The following NBAS variants were observed in gnomAD, a reference collection of about 807,000 sequenced individuals.
NBAS encodes NBAS subunit of NRZ tethering complex.
In NBAS, 219 loss-of-function variants were observed where a neutral mutation model predicts 302.5. The observed-to-expected ratio is 0.72, with a 90% CI of 0.65 to 0.81. The LOEUF is 0.81. Among genes scored for constraint, NBAS ranks in the 30% least tolerant of loss-of-function variants. The probability of loss-of-function intolerance (pLI) is 0.00; values close to 1 mark genes in which losing one functional copy is unlikely to be tolerated. For missense variants in NBAS, 2,932 were observed against 2,841.6 expected (o/e 1.03, Z -0.72); for synonymous variants, 1,118 against 1,021.6 (o/e 1.09, Z -1.80).
intron 46 of NBAS, among the ~76,000 whole-genome samples, chr2:15,233,652 T>C (rs1001748804): frequency 6.6e-6 from 1 of 152,202 alleles, no homozygotes; most frequent in African/African-American, 2.4e-5. Context: ...AACAAAGCTT[T>C]ATTAATTTGA....
the NBAS span, among the ~76,000 whole-genome samples, chr2:15,088,557 A>G: frequency 6.6e-6 from 1 of 152,118 alleles, no homozygotes; most frequent in Non-Finnish European, 1.5e-5. Context: ...GCCAGAGAGC[A>G]TGGCTTATTG....
chr2:14,907,832 C>T, the NBAS span, among the ~76,000 whole-genome samples: 7 of 152,204 alleles, frequency 4.6e-5, no homozygotes, highest in African/African-American at 1.7e-4. Context: ...TTTATCAGCT[C>T]TGCCATGAAC....
chr2:15,052,846 T>C, the NBAS span, among the ~76,000 whole-genome samples: 1 of 152,226 alleles, frequency 6.6e-6, no homozygotes, highest in Non-Finnish European at 1.5e-5. Flanking sequence ...TATATGCATA[T>C]TTTTGATGCA....
At chr2:15,556,418 T>C (rs13022830) in intron 3 of NBAS, among the ~76,000 whole-genome samples, 78,822 of 152,034 alleles carry the variant, frequency 0.52, 23,413 homozygotes, top group Non-Finnish European at 0.67. Flanking sequence ...TTCTCTGATA[T>C]ACAGCAGTTG....
chr2:15,320,560 C>G (rs1000738586), intron 38 of NBAS, among the ~76,000 whole-genome samples: 1 of 152,142 alleles, frequency 6.6e-6, no homozygotes, highest in African/African-American at 2.4e-5. Flanking sequence ...TCTCAGGATA[C>G]AAAATCAAGG....
chr2:14,848,445 G>A, the NBAS span, among the ~76,000 whole-genome samples: 1 of 142,898 alleles, frequency 7.0e-6, no homozygotes, highest in Admixed American at 6.7e-5. Context: ...GAATCTCGCT[G>A]ATTGCTAGCA....
chr2:15,046,958 C>T, the NBAS span, among the ~76,000 whole-genome samples: 1 of 152,166 alleles, frequency 6.6e-6, no homozygotes, highest in Admixed American at 6.5e-5. Flanking sequence ...ATCAGGGGAG[C>T]AGCAAGACAC....
At chr2:15,119,236 G>A in the NBAS span, among the ~76,000 whole-genome samples, 5,203 of 151,888 alleles carry the variant, frequency 0.034, 163 homozygotes, top group African/African-American at 0.082. Flanking sequence ...TGTGGCCACC[G>A]TCTGGCTGAG....
At chr2:15,147,616 TA>T in the NBAS span, among the ~76,000 whole-genome samples, 1 of 151,754 alleles carries the variant, frequency 6.6e-6, no homozygotes, top group Non-Finnish European at 1.5e-5. Context: ...TAAAAAAAAT[TA>T]AAAAAAGAGA....
At chr2:15,344,735 C>G (rs1272279339) in intron 35 of NBAS, among the ~76,000 whole-genome samples, 2 of 152,146 alleles carry the variant, frequency 1.3e-5, no homozygotes, top group Non-Finnish European at 2.9e-5. Context: ...GCCAATATCG[C>G]TGATGAACAT....
chr2:15,331,563 CTTG>C (rs898466917), intron 35 of NBAS, among the ~76,000 whole-genome samples: 12 of 152,226 alleles, frequency 7.9e-5, no homozygotes, highest in African/African-American at 2.9e-4. Context: ...ATACCAATAG[CTTG>C]TTGTGATCAC....
the NBAS span, among the ~76,000 whole-genome samples, chr2:14,794,020 T>C: frequency 6.6e-6 from 1 of 152,138 alleles, no homozygotes; most frequent in Non-Finnish European, 1.5e-5. Flanking sequence ...AAAGGACTTG[T>C]CATTAGTAGT....
chr2:15,134,430 T>C, the NBAS span, among the ~76,000 whole-genome samples: 1 of 152,088 alleles, frequency 6.6e-6, no homozygotes, highest in African/African-American at 2.4e-5. Flanking sequence ...ATTTTTGTTA[T>C]AGCAGCCTAA....
chr2:15,265,714 T>C (rs1210435311), intron 44 of NBAS, among the ~76,000 whole-genome samples: 1 of 152,188 alleles, frequency 6.6e-6, no homozygotes, highest in Non-Finnish European at 1.5e-5. Flanking sequence ...GTTATGTAGG[T>C]AAGGAAACCT....
At chr2:15,096,714 C>T in the NBAS span, among the ~76,000 whole-genome samples, 3 of 152,154 alleles carry the variant, frequency 2.0e-5, no homozygotes, top group African/African-American at 7.2e-5. Context: ...TGCAAAGGGG[C>T]CGCCTCTGCC....
At chr2:15,192,385 A>G (rs1336837970) in intron 48 of NBAS, among the ~76,000 whole-genome samples, 4 of 152,146 alleles carry the variant, frequency 2.6e-5, no homozygotes, top group African/African-American at 9.7e-5. Context: ...TTTGTCACTT[A>G]TAAAATAATT....
Position 15,353,700 on chromosome 2 carries a change from T to G in NBAS, c.3942A>C (p.Lys1314Asn). The change falls in exon 34 of 52, where the codon AAA (lysine) becomes AAC (asparagine). Residue 1314 changes from lysine (K) to asparagine (N), a missense_variant. Coordinates refer to ENST00000281513, the MANE Select transcript of NBAS (RefSeq NM_015909.4). ...CTAACTGGCTACAAACATCCCAACT[T>G]TTAGGATAACCTGCAAAATTGGCAA... is the stretch of plus-strand genomic sequence containing the variant. ...CQELMATGYP[K>N]SWDVCSQLGQ... 1.2e-6 allele frequency: 2 copies of G among 1,613,962 alleles called. No individual in the cohort carries two copies. Among genetic ancestry groups the G allele is most frequent in the Non-Finnish European group, 1.7e-6 (2 of 1,179,920 alleles).
chr2:15,202,183 G>A (rs554242387), intron 48 of NBAS, among the ~76,000 whole-genome samples: 14 of 152,320 alleles, frequency 9.2e-5, no homozygotes, highest in East Asian at 1.9e-4. Context: ...CTACACATCC[G>A]TGGGTACAGA....
the NBAS span, among the ~76,000 whole-genome samples, chr2:15,158,305 C>T: frequency 1.3e-5 from 2 of 152,164 alleles, no homozygotes; most frequent in African/African-American, 4.8e-5. Flanking sequence ...GACAAGGCCA[C>T]GGGGTTGGGG....
Sources: allele counts gnomAD v4.1 joint callset (sites outside exome capture counted in the v4.1 genomes callset), GRCh38; gene constraint gnomAD v4.1.1; transcripts MANE v1.5; gene names NCBI Gene and HGNC (gene_info 2026-07-23, HGNC 2026-07-21).